Variants in ATP10B observed in about 807,000 individuals in gnomAD.
ATP10B encodes the protein phospholipid-transporting ATPase VB.
In ATP10B, 122 loss-of-function variants were observed where a neutral mutation model predicts 141.2. The ratio of observed to expected loss-of-function variants is 0.86; its 90% CI spans 0.75 to 1.00. ATP10B has a LOEUF of 1.00. ATP10B is among the 50% of genes least tolerant of loss of function. The pLI is 0.00. For synonymous variants in ATP10B, 685 were observed against 692.0 expected (o/e 0.99, Z 0.16); for missense variants, 1,876 against 1,825.3 (o/e 1.03, Z -0.51).
At chr5:160,575,713 A>AC (rs531974430) in intron 24 of ATP10B, among the ~76,000 whole-genome samples, 3 of 152,114 alleles carry the variant, frequency 2.0e-5, no homozygotes, top group Non-Finnish European at 4.4e-5. Flanking sequence ...ATAAAAAAAA[A>AC]CCCCTAAATA....
the ATP10B span, among the ~76,000 whole-genome samples, chr5:160,884,697 A>G: frequency 1.3e-5 from 2 of 152,278 alleles, no homozygotes; most frequent in African/African-American, 2.4e-5. Context: ...CCATTTATGG[A>G]AAAAATATTT....
Position 160,634,215 on chromosome 5 carries a change from A to C in ATP10B, c.1381+139T>G, listed in dbSNP as rs199848432. The C allele has an allele frequency of 3.9e-3, 4,533 of 1,163,216 alleles. 10 individuals carry two copies. The highest frequency in any genetic ancestry group is 5.0e-3 in the Non-Finnish European group (3,882 of 777,276). The allele number at this position is 1,163,216 out of a possible 1,614,324, so 72.1% of individuals were successfully genotyped here. ...CCTGATCTGTGACAAGGAAGACCAC[A>C]GGGATACAGGAAGCAACTTGTGGAA... On this transcript the variant is annotated intron_variant, in intron 12 of 25. Coordinates refer to ENST00000327245, the MANE Select transcript of ATP10B (RefSeq NM_025153.3).
chr5:160,739,409 A>G (rs1208875838), intron 2 of ATP10B, among the ~76,000 whole-genome samples: 1 of 152,254 alleles, frequency 6.6e-6, no homozygotes, highest in Non-Finnish European at 1.5e-5. Context: ...ATACAACATG[A>G]TAACATATGC....
the ATP10B span, among the ~76,000 whole-genome samples, chr5:160,879,568 G>A: frequency 5.0e-4 from 76 of 150,720 alleles, no homozygotes; most frequent in Middle Eastern, 0.01. Context: ...GGCCAGGCGC[G>A]GTGGCTCTCG....
At chr5:160,773,532 A>G (rs1331844810) in intron 2 of ATP10B, among the ~76,000 whole-genome samples, 1 of 152,228 alleles carries the variant, frequency 6.6e-6, no homozygotes, top group African/African-American at 2.4e-5. Context: ...CAGCTAAATA[A>G]TTTATATGCT....
the ATP10B span, among the ~76,000 whole-genome samples, chr5:160,907,606 T>C: frequency 2.5e-3 from 388 of 152,244 alleles, 1 homozygote; most frequent in African/African-American, 9.1e-3. Context: ...AGCAATCCTC[T>C]TGCTCTGGCC....
intron 2 of ATP10B, among the ~76,000 whole-genome samples, chr5:160,761,385 CA>C (rs1235572724): frequency 3.8e-5 from 1 of 26,570 alleles, no homozygotes; most frequent in African/African-American, 2.9e-4. Flanking sequence ...TCTTTGTAGA[CA>C]TTCGCCAGCA....
At chr5:160,572,186 G>A (rs1193602912) in intron 24 of ATP10B, among the ~76,000 whole-genome samples, 1 of 46,558 alleles carries the variant, frequency 2.1e-5, no homozygotes, top group African/African-American at 1.8e-4. Flanking sequence ...TGCTTTTAAA[G>A]AGTTTTTTTT....
intron 1 of ATP10B, among the ~76,000 whole-genome samples, chr5:160,795,605 C>CAGAT (rs1199088861): frequency 6.6e-6 from 1 of 151,040 alleles, no homozygotes. Context: ...AGGGTCTTTG[C>CAGAT]AGATGTGATT....
the ATP10B span, among the ~76,000 whole-genome samples, chr5:160,880,112 A>G: frequency 6.7e-6 from 1 of 148,828 alleles, no homozygotes; most frequent in South Asian, 2.1e-4. Flanking sequence ...ATTATAAAAG[A>G]AATTATGTAA....
At chr5:160,846,005 T>C (rs887255878) in intron 1 of ATP10B, among the ~76,000 whole-genome samples, 2 of 152,198 alleles carry the variant, frequency 1.3e-5, no homozygotes, top group African/African-American at 4.8e-5. Flanking sequence ...GACACTCATT[T>C]CTAATCTCCA....
At position 160,670,588 on chromosome 5, in the gene ATP10B, C is replaced by CAGAGG; in HGVS notation, c.549_550insCCTCT (p.Val184ProfsTer38). 1 of 1,613,966 alleles carries CAGAGG rather than the reference C, an allele frequency of 6.2e-7. No homozygotes were observed. The highest frequency in any genetic ancestry group is 8.5e-7 in the Non-Finnish European group (1 of 1,179,882). The stretch of plus-strand genomic sequence containing the variant: ...AAAAGGAGGAGTATGTCTGCTGGGA[C>CAGAGG]AATCTCATTGCATTTCATTTGGATG... On this transcript the variant is annotated frameshift_variant, in exon 7 of 26. Coordinates refer to ENST00000327245, the MANE Select transcript of ATP10B (RefSeq NM_025153.3). LOFTEE classifies it high-confidence loss of function.
Position 160,785,706 on chromosome 5 carries a change from G to A in ATP10B, c.-478C>T, listed in dbSNP as rs1581528771. 1 of 1,283,434 alleles carries A rather than the reference G, an allele frequency of 7.8e-7. No individual in the cohort carries two copies. The highest frequency in any genetic ancestry group is 1.3e-5 in the South Asian group (1 of 79,978). The allele number at this position is 1,283,434 out of a possible 1,614,324, so 79.5% of individuals were successfully genotyped here. On this transcript the variant is annotated 5_prime_UTR_variant, in exon 2 of 26. Transcript: ENST00000327245. ...GAGAGGAGTTCATTATCTCCACTGA[G>A]TGAGATGAATAATAGGAAAAACTAC...
Position 160,602,671 on chromosome 5 carries a change from C to T in ATP10B, c.3269G>A (p.Arg1090His), listed in dbSNP as rs769788084. 2.8e-5 allele frequency: 45 copies of T among 1,613,988 alleles called. No individual in the cohort carries two copies. The highest frequency in any genetic ancestry group is 1.3e-4 in the South Asian group (12 of 91,068). ...AVMSSDFAIT[R>H]FKHLKKLLLV... ...CAGCAACTTCTTGAGATGCTTAAAGCGGGTGATGGCAAAGTCGCTGGACAT... is the reference window on the plus strand; with the variant it reads ...CAGCAACTTCTTGAGATGCTTAAAGTGGGTGATGGCAAAGTCGCTGGACAT... The change falls in exon 21 of 26, where the codon CGC (arginine) becomes CAC (histidine). Residue 1090 changes from arginine (R) to histidine (H), a missense_variant. Transcript: ENST00000327245.
chr5:160,649,383 T>C (rs948993916), intron 7 of ATP10B, 127 bp from the exon 8 acceptor site: 6 of 688,662 alleles, frequency 8.7e-6, no homozygotes, highest in Non-Finnish European at 1.5e-5. Context: ...CACACTTTGA[T>C]AGTTGTAATG....
intron 1 of ATP10B, among the ~76,000 whole-genome samples, chr5:160,837,725 T>C (rs1775544062): frequency 6.6e-6 from 1 of 152,176 alleles, no homozygotes; most frequent in South Asian, 2.1e-4. Context: ...CTATAATTTA[T>C]TATCCTGCGT....
At chr5:160,661,323 T>A (rs1192917433) in intron 7 of ATP10B, among the ~76,000 whole-genome samples, 5 of 152,170 alleles carry the variant, frequency 3.3e-5, no homozygotes, top group Non-Finnish European at 7.4e-5. Flanking sequence ...TAAAAGAGAT[T>A]AAAGAAATTA....
At chr5:160,647,237 G>C (rs1238742843) in intron 8 of ATP10B, among the ~76,000 whole-genome samples, 1 of 152,164 alleles carries the variant, frequency 6.6e-6, no homozygotes, top group African/African-American at 2.4e-5. Flanking sequence ...AGAAGCTTCT[G>C]GGAAACCCAG....
At chr5:160,629,439 T>C (rs757138386) in intron 13 of ATP10B, among the ~76,000 whole-genome samples, 2 of 152,236 alleles carry the variant, frequency 1.3e-5, no homozygotes, top group African/African-American at 2.4e-5. Context: ...GGCCTGCTTA[T>C]GGAGGGTCCC....
Sources: gnomAD v4.1 joint callset for allele counts (sites outside exome capture counted in the v4.1 genomes callset) on GRCh38, gnomAD v4.1.1 for gene constraint, MANE v1.5 for transcripts, NCBI Gene and HGNC (gene_info 2026-07-23, HGNC 2026-07-21) for gene names.